Variants in KCMF1 observed in about 807,000 individuals in gnomAD.
The protein encoded by KCMF1 is potassium channel modulatory factor 1.
In KCMF1, 3 loss-of-function variants were observed where a neutral mutation model predicts 41.1. The ratio of observed to expected loss-of-function variants is 0.07; its 90% CI spans 0.03 to 0.19. The LOEUF (loss-of-function observed/expected upper bound fraction) is 0.19, where lower values mean the gene tolerates loss of function less well. Among genes scored for constraint, KCMF1 ranks in the 10% least tolerant of loss-of-function variants. The pLI, the probability that KCMF1 is intolerant of heterozygous loss-of-function variation, is 1.00. For synonymous variants in KCMF1, 142 were observed against 164.5 expected, an observed-to-expected ratio of 0.86 and a Z score of 1.04; for missense variants, 286 against 488.9, an observed-to-expected ratio of 0.58 and a Z score of 3.91.
intron 1 of KCMF1, among the ~76,000 whole-genome samples, chr2:85,017,049 G>A (rs1181954820): frequency 4.9e-5 from 6 of 122,730 alleles, no homozygotes; most frequent in South Asian, 2.4e-4. Context: ...ATGGAGTCTC[G>A]CTCTGTCGCC....
intron 1 of KCMF1, among the ~76,000 whole-genome samples, chr2:85,007,261 G>C (rs926873340): frequency 2.0e-5 from 3 of 152,164 alleles, no homozygotes; most frequent in African/African-American, 4.8e-5. Context: ...ATGAAACATG[G>C]AATAGCAAGC....
intron 1 of KCMF1, among the ~76,000 whole-genome samples, chr2:84,997,810 A>G (rs1386590659): frequency 8.5e-6 from 1 of 117,576 alleles, no homozygotes; most frequent in Non-Finnish European, 1.6e-5. Flanking sequence ...TCACTTTGTC[A>G]CCCAGGCTGG....
chr2:85,027,531 C>T (rs1035202577), intron 1 of KCMF1, among the ~76,000 whole-genome samples: 1 of 151,758 alleles, frequency 6.6e-6, no homozygotes, highest in Non-Finnish European at 1.5e-5. Context: ...CCAGCCACCA[C>T]GCCCAGCTAA....
chr2:84,978,479 T>A (rs1188125727), intron 1 of KCMF1, among the ~76,000 whole-genome samples: 2 of 151,482 alleles, frequency 1.3e-5, no homozygotes, highest in Non-Finnish European at 2.9e-5. Context: ...TTTGCCTAGG[T>A]TTTTTGTCTT....
intron 2 of KCMF1, among the ~76,000 whole-genome samples, chr2:85,028,330 ACAC>A (rs1324903548): frequency 1.3e-5 from 2 of 150,962 alleles, no homozygotes; most frequent in Admixed American, 1.3e-4. Context: ...TTACAGGTGC[ACAC>A]CACCACGCCT....
At position 85,053,287 on chromosome 2, in the gene KCMF1, G is replaced by C. The variant is rs775773719; in HGVS notation, c.1024G>C (p.Gly342Arg). The C allele has an allele frequency of 5.0e-6, 8 of 1,613,830 alleles. No individual in the cohort carries two copies. In the Admixed American group the frequency reaches 6.7e-5, roughly 13 times the overall value. The part of the protein sequence containing the change: ...ESSSSDEDDR[G>R]EMADFGAMGC... ...CTCATCCTCAGATGAGGATGATCGGGGGGAGATGGCAGATTTTGGTGCTAT... is the reference window on the plus strand; with the variant it reads ...CTCATCCTCAGATGAGGATGATCGGCGGGAGATGGCAGATTTTGGTGCTAT... Residue 342 changes from glycine to arginine, a missense_variant, in exon 7 of 7, where the codon GGG becomes CGG. Physicochemically the swap from Gly to Arg is moderately radical, Grantham distance 125 (BLOSUM62 -2). Transcript: ENST00000409785.
chr2:84,986,137 T>C (rs1673894607), intron 1 of KCMF1, among the ~76,000 whole-genome samples: 1 of 152,228 alleles, frequency 6.6e-6, no homozygotes, highest in African/African-American at 2.4e-5. Flanking sequence ...CCTAAAACTT[T>C]GGGTCCTTAT....
intron 1 of KCMF1, among the ~76,000 whole-genome samples, chr2:85,004,569 A>T (rs1245824680): frequency 6.6e-6 from 1 of 152,114 alleles, no homozygotes; most frequent in Non-Finnish European, 1.5e-5. Flanking sequence ...GGAGGACTGC[A>T]GTATATTCTG....
intron 6 of KCMF1, among the ~76,000 whole-genome samples, chr2:85,051,626 C>T (rs1675810764): frequency 6.6e-6 from 1 of 152,114 alleles, no homozygotes; most frequent in African/African-American, 2.4e-5. Context: ...TTGCAAACCA[C>T]TTTCCACATC....
At chr2:84,986,860 C>T (rs995048212) in intron 1 of KCMF1, among the ~76,000 whole-genome samples, 35 of 151,924 alleles carry the variant, frequency 2.3e-4, no homozygotes, top group African/African-American at 7.7e-4. Context: ...CCAGCCTGGG[C>T]GACACAGTGA....
At chr2:84,998,989 CCTAT>C (rs1674257603) in intron 1 of KCMF1, among the ~76,000 whole-genome samples, 1 of 136,556 alleles carries the variant, frequency 7.3e-6, no homozygotes, top group Non-Finnish European at 1.6e-5. Context: ...TATCTACCTA[CCTAT>C]CTGTCCACCC....
chr2:85,013,139 C>T (rs886478072), intron 1 of KCMF1, among the ~76,000 whole-genome samples: 2 of 152,132 alleles, frequency 1.3e-5, no homozygotes, highest in South Asian at 4.2e-4. Context: ...GTCTCTATCC[C>T]TTAGTCTTCA....
chr2:85,028,133 A>G, intron 2 of KCMF1, 77 bp downstream of exon 2: 1 of 874,560 alleles, frequency 1.1e-6, no homozygotes, highest in Non-Finnish European at 1.8e-6. Context: ...AAAGTGTTCT[A>G]AAACTCCCCA....
chr2:84,974,691 ATTTTTTTTTTTTT>A (rs869056943), intron 1 of KCMF1, among the ~76,000 whole-genome samples: 3 of 14,682 alleles, frequency 2.0e-4, no homozygotes, highest in East Asian at 2.2e-3. Flanking sequence ...ATATATATAT[ATTTTTTTTTTTTT>A]TTTTTTTTTT....
intron 1 of KCMF1, among the ~76,000 whole-genome samples, chr2:85,021,492 G>A (rs1258748627): frequency 6.6e-6 from 1 of 151,938 alleles, no homozygotes; most frequent in African/African-American, 2.4e-5. Flanking sequence ...TGTGGTGGTG[G>A]GCACCTGTAG....
At chr2:85,026,644 A>G (rs1396272261) in intron 1 of KCMF1, among the ~76,000 whole-genome samples, 4 of 150,074 alleles carry the variant, frequency 2.7e-5, no homozygotes, top group African/African-American at 9.8e-5. Flanking sequence ...ACAGGCCACA[A>G]TGCCCAGCTA....
At chr2:85,027,280 C>A (rs1675130489) in intron 1 of KCMF1, among the ~76,000 whole-genome samples, 1 of 151,768 alleles carries the variant, frequency 6.6e-6, no homozygotes, top group Non-Finnish European at 1.5e-5. Flanking sequence ...TGGGCAAATA[C>A]CCTCATGGTG....
At chr2:85,001,789 G>C (rs1374202696) in intron 1 of KCMF1, among the ~76,000 whole-genome samples, 1 of 152,172 alleles carries the variant, frequency 6.6e-6, no homozygotes, top group Non-Finnish European at 1.5e-5. Flanking sequence ...TAGCAACATA[G>C]ATACATTCTG....
At chr2:85,011,335 A>G (rs1417075616) in intron 1 of KCMF1, among the ~76,000 whole-genome samples, 1 of 152,108 alleles carries the variant, frequency 6.6e-6, no homozygotes, top group Admixed American at 6.5e-5. Context: ...AGAATCCTTC[A>G]TTTCTGTGAG....
Sources: gnomAD v4.1 joint callset for allele counts (sites outside exome capture counted in the v4.1 genomes callset) on GRCh38, gnomAD v4.1.1 for gene constraint, MANE v1.5 for transcripts, NCBI Gene and HGNC (gene_info 2026-07-23, HGNC 2026-07-21) for gene names.